The following BCL11A variants were observed in gnomAD, a reference collection of about 807,000 sequenced individuals.
BCL11A encodes BCL11 transcription factor A.
A neutral mutation model predicts 55.9 loss-of-function variants in BCL11A; 2 were observed. The ratio of observed to expected loss-of-function variants is 0.04; its 90% CI spans 0.01 to 0.11. The LOEUF is 0.11. Ranked by LOEUF, BCL11A falls within the 10% of genes least tolerant of loss-of-function variation. The pLI, the probability that BCL11A is intolerant of heterozygous loss-of-function variation, is 1.00. For synonymous variants in BCL11A, 465 were observed against 473.4 expected (o/e 0.98, Z 0.23); for missense variants, 817 against 1,137.1 (o/e 0.72, Z 4.05).
At chr2:60,465,558 T>C (rs1676555285) in intron 3 of BCL11A, among the ~76,000 whole-genome samples, 1 of 152,174 alleles carries the variant, frequency 6.6e-6, no homozygotes, top group Non-Finnish European at 1.5e-5. Context: ...ATGTCACCAA[T>C]GTGAAAAAGT....
At position 60,514,881 on chromosome 2, in the gene BCL11A, A is replaced by G. The variant is rs115783009; in HGVS notation, c.385+31090T>C. Among the ~76,000 whole-genome samples, 1,220 of 151,690 alleles carry G rather than the reference A, an allele frequency of 8.0e-3. 18 individuals carry two copies. The highest frequency in any genetic ancestry group is 0.028 in the African/African-American group (1,159 of 41,298). On this transcript the variant is annotated intron_variant, in intron 2 of 3. Transcript: ENST00000642384. Reference sequence around the variant, plus strand: ...CACTAAAACAGAAAAAAGAAAAAAAAAAAAAGAAAAGAGAGACAGAGAGAG... The same window carrying G: ...CACTAAAACAGAAAAAAGAAAAAAAGAAAAAGAAAAGAGAGACAGAGAGAG...
At chr2:60,550,440 G>A (rs913714927) in intron 1 of BCL11A, among the ~76,000 whole-genome samples, 1 of 152,036 alleles carries the variant, frequency 6.6e-6, no homozygotes, top group African/African-American at 2.4e-5. Flanking sequence ...CTCCCCGGAC[G>A]AGAATCGCCG....
Position 60,546,328 on chromosome 2 carries a change from T to A in BCL11A, c.56-28A>T. ...GTGGTTGGAGAAACAAAAGCACAAT[T>A]ATTAGAGTGCCAGAGAGGACAGAAA... On this transcript the variant is annotated intron_variant, in intron 1 of 3. Coordinates refer to ENST00000642384, the MANE Select transcript of BCL11A (RefSeq NM_022893.4). This position sits in a 1 kb window ranked among gnomAD's most constrained non-coding sequence, Gnocchi z 4.1. The A allele has an allele frequency of 6.3e-7, 1 of 1,593,462 alleles. No homozygotes were observed.
In BCL11A at chr2:60,460,920, C is replaced by T. The variant is rs544253263; in HGVS notation, c.1992G>A (p.Ala664=). 1.9e-6 allele frequency: 3 copies of T among 1,612,760 alleles called. No individual in the cohort carries two copies. Among genetic ancestry groups the T allele is most frequent in the Non-Finnish European group, 2.5e-6 (3 of 1,179,996 alleles). ...NVYSQWLAGY[A]ASRQLKDPFL... ...AGGGATCTTTGAGCTGCCTGGAGGC[C>T]GCGTAGCCGGCGAGCCACTGCGAGT... is the stretch of plus-strand genomic sequence containing the variant. Residue 664 remains alanine (A), a synonymous_variant, in exon 4 of 4, where the codon GCG becomes GCA. Transcript: ENST00000642384.
intron 2 of BCL11A, among the ~76,000 whole-genome samples, chr2:60,495,244 C>G (rs769705137): frequency 7.9e-5 from 12 of 152,006 alleles, no homozygotes; most frequent in Non-Finnish European, 1.6e-4. Context: ...TAATCAGAGG[C>G]CAAACCCTTC....
intron 3 of BCL11A, among the ~76,000 whole-genome samples, chr2:60,467,099 A>ATGGTGGTGGTAGTGG: frequency 1.0e-5 from 1 of 97,566 alleles, no homozygotes; most frequent in Middle Eastern, 6.4e-3. Flanking sequence ...GGTGGTGATG[A>ATGGTGGTGGTAGTGG]TGGTGGTGGT....
rs1368637713 is a variant in BCL11A at position 60,461,619 on chromosome 2, C to A, written c.1293G>T (p.Ser431=). The change falls in exon 4 of 4, where the codon TCG becomes TCT. Residue 431 remains serine, a synonymous_variant. Coordinates refer to ENST00000642384, the MANE Select transcript of BCL11A (RefSeq NM_022893.4). The part of the protein sequence containing the change: ...KRHMKTHMHK[S]SPMTVKSDDG... ...CGTCGGACTTGACCGTCATGGGGGA[C>A]GATTTGTGCATGTGCGTCTTCATGT... is the stretch of plus-strand genomic sequence containing the variant. 36 of 1,613,564 alleles carry A rather than the reference C, an allele frequency of 2.2e-5. No individual in the cohort carries two copies. The highest frequency in any genetic ancestry group is 3.0e-5 in the Non-Finnish European group (35 of 1,180,042).
chr2:60,452,656 G>A (rs756792680), downstream of BCL11A: 2 of 1,613,524 alleles, frequency 1.2e-6, no homozygotes, highest in Non-Finnish European at 1.7e-6. Flanking sequence ...GAATGGGGGT[G>A]TGTGAAGAAC....
downstream of BCL11A, among the ~76,000 whole-genome samples, chr2:60,453,427 CGTTGCCATG>C (rs1375396934): frequency 2.6e-5 from 4 of 152,336 alleles, no homozygotes; most frequent in East Asian, 7.7e-4. Context: ...TTCCAGGCCT[CGTTGCCATG>C]GCGACCCGAA....
chr2:60,457,758 G>T lies in BCL11A; in HGVS notation c.*2646C>A, dbSNP rs1676013573. 10 of 1,036,088 alleles carry T rather than the reference G, an allele frequency of 9.7e-6. No individual in the cohort carries two copies. The highest frequency in any genetic ancestry group is 1.2e-5 in the Non-Finnish European group (10 of 861,304). The allele number at this position is 1,036,088 out of a possible 1,614,324, so 64.2% of individuals were successfully genotyped here. A position where few individuals can be genotyped will look rare whatever the true frequency, so the allele number is the denominator to read the frequency against. On this transcript the variant is annotated 3_prime_UTR_variant, in exon 4 of 4. Transcript: ENST00000642384. ...GGAATGTAGGGTGATAGAAGGAAAG[G>T]GACAAAAAGCACACTACATAACAAA...
rs566705987 is a variant in BCL11A, at chr2:60,531,032, T to C, written c.385+14939A>G. 3.0e-4 allele frequency among the ~76,000 whole-genome samples: 46 copies of C among 152,276 alleles called. 1 individual carries two copies. The South Asian group carries it at 5.6e-3, about 19-fold the overall frequency. On this transcript the variant is annotated intron_variant, in intron 2 of 3. Coordinates refer to ENST00000642384, the MANE Select transcript of BCL11A (RefSeq NM_022893.4). ...ACACCATGGCCAGGGAGAGTAACGC[T>C]CCCAATGTACAATTTTCCCTTTGTG... is the stretch of plus-strand genomic sequence containing the variant.
chr2:60,538,111 A>G (rs1207238955), intron 2 of BCL11A: 1 of 152,252 alleles, frequency 6.6e-6, no homozygotes, highest in Admixed American at 6.5e-5. Flanking sequence ...TGCCAGCCCT[A>G]TCTGGAAAAG....
intron 2 of BCL11A, among the ~76,000 whole-genome samples, chr2:60,498,670 C>G (rs1679096758): frequency 6.6e-6 from 1 of 152,144 alleles, no homozygotes; most frequent in South Asian, 2.1e-4. Context: ...TCTACCTACT[C>G]ACATAAGATC....
At chr2:60,501,710 T>C (rs947670542) in intron 2 of BCL11A, among the ~76,000 whole-genome samples, 3 of 152,016 alleles carry the variant, frequency 2.0e-5, no homozygotes, top group Non-Finnish European at 2.9e-5. Context: ...TTCTCCATGT[T>C]GGTCAGGCTG....
rs190324395 is a variant in BCL11A, at chr2:60,514,834, T to C, written c.385+31137A>G. Reference sequence around the variant, plus strand: ...AAGAGAGGATTTCCCTACTCAAATATCAAAGGTCTTGCATACACATACACT... The same window carrying C: ...AAGAGAGGATTTCCCTACTCAAATACCAAAGGTCTTGCATACACATACACT... On this transcript the variant is annotated intron_variant, in intron 2 of 3. Coordinates refer to ENST00000642384, the MANE Select transcript of BCL11A (RefSeq NM_022893.4). 1.9e-4 allele frequency among the ~76,000 whole-genome samples: 25 copies of C among 134,006 alleles called. No homozygotes were observed. The East Asian group carries it at 3.2e-3, about 17-fold the overall frequency. The allele number at this position is 134,006 out of a possible 152,430, so 87.9% of individuals were successfully genotyped here.
intron 2 of BCL11A, among the ~76,000 whole-genome samples, chr2:60,531,660 A>C (rs1037368620): frequency 1.3e-5 from 2 of 152,164 alleles, no homozygotes; most frequent in African/African-American, 2.4e-5. Flanking sequence ...CATTAAACTC[A>C]AGAGCGTGTT....
chr2:60,453,397 A>G (rs190358217), downstream of BCL11A, among the ~76,000 whole-genome samples: 143 of 152,350 alleles, frequency 9.4e-4, no homozygotes, highest in Admixed American at 3.9e-3. Flanking sequence ...GTGCCGAGGA[A>G]GAGGGCTACC....
chr2:60,527,697 C>G (rs561660464), intron 2 of BCL11A: 105 of 152,376 alleles, frequency 6.9e-4, no homozygotes, highest in African/African-American at 2.4e-3. Flanking sequence ...AGTGCTGAGG[C>G]CAACTCTTCC....
At chr2:60,530,332 TAAAAA>T (rs10699821) in intron 2 of BCL11A, among the ~76,000 whole-genome samples, 2 of 129,920 alleles carry the variant, frequency 1.5e-5, no homozygotes, top group South Asian at 2.5e-4. Flanking sequence ...TTCAGCCATT[TAAAAA>T]AAAAAAAAAA....
Sources: allele counts gnomAD v4.1 joint callset (sites outside exome capture counted in the v4.1 genomes callset), GRCh38; gene constraint gnomAD v4.1.1; non-coding constraint Gnocchi (gnomAD v3.1); transcripts MANE v1.5; gene names NCBI Gene and HGNC (gene_info 2026-07-23, HGNC 2026-07-21).